The following CARF variants were observed in gnomAD, a reference collection of about 807,000 sequenced individuals.
The protein encoded by CARF is calcium-responsive transcription factor.
A neutral mutation model predicts 82.0 loss-of-function variants in CARF; 57 were observed. The observed-to-expected ratio is 0.70, with a 90% CI of 0.56 to 0.87. The LOEUF is 0.87. Ranked by LOEUF, CARF falls within the 40% of genes least tolerant of loss-of-function variation. CARF has a pLI of 0.00. For missense variants in CARF, 771 were observed against 855.8 expected (o/e 0.90, Z 1.24); for synonymous variants, 268 against 290.1 (o/e 0.92, Z 0.77).
chr2:202,985,719 A>G lies in CARF; in HGVS notation c.*2095A>G, dbSNP rs529885630. 1 of 152,266 alleles carries G rather than the reference A, an allele frequency of 6.6e-6. No individual in the cohort carries two copies. Among genetic ancestry groups the G allele is most frequent in the East Asian group, 1.9e-4 (1 of 5,194 alleles). The allele number at this position is 152,266 out of a possible 1,614,324, so 9.4% of individuals were successfully genotyped here. On this transcript the variant is annotated 3_prime_UTR_variant, in exon 17 of 17. Coordinates refer to ENST00000438828, the MANE Select transcript of CARF (RefSeq NM_024744.17). ...AGTTTTTATGGAATCCTTTTCTTTC[A>G]AGATTCTAAATAATAAATCGTTACG...
In CARF at chr2:202,969,981, A is replaced by G; in HGVS notation, c.1016A>G (p.Asp339Gly). Residue 339 changes from aspartate (D) to glycine (G), a missense_variant, in exon 11 of 17, where the codon GAC becomes GGC. Transcript: ENST00000438828. The part of the protein sequence containing the change: ...EYRVPTDPKI[D>G]KKIIRMEQEK... ...AGAGTTCCTACAGACCCCAAAATTGACAAGAAAATTATCAGAATGGAGCAG... is the reference window on the plus strand; with the variant it reads ...AGAGTTCCTACAGACCCCAAAATTGGCAAGAAAATTATCAGAATGGAGCAG... 6.3e-7 allele frequency: 1 copy of G among 1,575,576 alleles called. No homozygotes were observed. The highest frequency in any genetic ancestry group is 8.6e-7 in the Non-Finnish European group (1 of 1,169,336).
intron 5 of CARF, among the ~76,000 whole-genome samples, chr2:202,943,936 A>G (rs1485891931): frequency 6.6e-6 from 1 of 151,992 alleles, no homozygotes; most frequent in Non-Finnish European, 1.5e-5. Flanking sequence ...ATGAGCCACC[A>G]CGCCCGGCCT....
chr2:202,969,135 C>T (rs944619861), intron 10 of CARF, among the ~76,000 whole-genome samples: 22 of 151,864 alleles, frequency 1.4e-4, no homozygotes, highest in African/African-American at 5.3e-4. Context: ...ACTAAAAATA[C>T]AAAAAAAATT....
intron 14 of CARF, among the ~76,000 whole-genome samples, chr2:202,978,296 G>A (rs886444260): frequency 2.6e-5 from 4 of 152,170 alleles, no homozygotes; most frequent in Non-Finnish European, 5.9e-5. Context: ...TTTCAGTGGC[G>A]TGGATTGGGA....
chr2:202,929,747 T>TTTG (rs978065382), intron 3 of CARF, among the ~76,000 whole-genome samples: 1 of 152,112 alleles, frequency 6.6e-6, no homozygotes, highest in African/African-American at 2.4e-5. Flanking sequence ...TTTCGGGGCT[T>TTTG]TTGTTGTTGT....
chr2:202,931,233 A>G (rs1185828661), intron 3 of CARF, among the ~76,000 whole-genome samples: 1 of 152,068 alleles, frequency 6.6e-6, no homozygotes, highest in Non-Finnish European at 1.5e-5. Context: ...TGGCCTCCCA[A>G]AGTGCTGGGA....
At chr2:202,961,449 T>C in intron 9 of CARF, 23 bp downstream of exon 9, 1 of 1,601,820 alleles carries the variant, frequency 6.2e-7, no homozygotes, top group Non-Finnish European at 8.5e-7. Context: ...AGAATTATTT[T>C]AAAAGGTTCA....
chr2:202,972,697 G>T (rs1435240614), intron 12 of CARF, among the ~76,000 whole-genome samples: 1 of 101,502 alleles, frequency 9.9e-6, no homozygotes, highest in Non-Finnish European at 2.3e-5. Context: ...AAAAAAAAAG[G>T]CAGTGGCAGA....
chr2:202,916,557 G>T (rs185244601), intron 1 of CARF, among the ~76,000 whole-genome samples: 15 of 152,138 alleles, frequency 9.9e-5, no homozygotes, highest in Admixed American at 5.9e-4. Flanking sequence ...TACATCTTAG[G>T]ACATTAACCA....
chr2:202,946,988 G>A (rs986227145), intron 5 of CARF, among the ~76,000 whole-genome samples: 10 of 152,190 alleles, frequency 6.6e-5, no homozygotes, highest in Non-Finnish European at 8.8e-5. Context: ...AGATGCTGGC[G>A]AGGCTGTGGA....
intron 5 of CARF, among the ~76,000 whole-genome samples, chr2:202,948,694 T>A (rs2105830210): frequency 6.6e-6 from 1 of 152,322 alleles, no homozygotes; most frequent in Non-Finnish European, 1.5e-5. Flanking sequence ...AAACATTGAT[T>A]TTGTATACTG....
Position 202,971,757 on chromosome 2 carries a change from G to A in CARF, c.1331+19G>A, listed in dbSNP as rs2059799396. ...AGCTAAGGTACAATAGAAGAGCATT[G>A]TTCTTTTACATTTTTCAGTTTTGTT... On this transcript the variant is annotated intron_variant, in intron 12 of 16. Transcript: ENST00000438828. 1 of 1,571,134 alleles carries A rather than the reference G, an allele frequency of 6.4e-7. No individual in the cohort carries two copies. Among genetic ancestry groups the A allele is most frequent in the Non-Finnish European group, 8.7e-7 (1 of 1,143,472 alleles).
At chr2:202,976,948 A>C (rs964627635) in intron 13 of CARF, among the ~76,000 whole-genome samples, 1 of 151,962 alleles carries the variant, frequency 6.6e-6, no homozygotes. Context: ...GGCCTCAAGC[A>C]CCTCTCCAGC....
chr2:202,940,094 C>T (rs1207626115), intron 3 of CARF, among the ~76,000 whole-genome samples: 1 of 152,048 alleles, frequency 6.6e-6, no homozygotes, highest in African/African-American at 2.4e-5. Context: ...AGTGCAGTGG[C>T]GCCATCTCAG....
intron 2 of CARF, among the ~76,000 whole-genome samples, chr2:202,918,595 G>A (rs908221957): frequency 1.3e-5 from 2 of 152,082 alleles, no homozygotes; most frequent in Admixed American, 1.3e-4. Flanking sequence ...TGGCAGTTAG[G>A]GATAAAAACT....
intron 9 of CARF, among the ~76,000 whole-genome samples, chr2:202,965,532 A>AT (rs1159707696): frequency 1.3e-5 from 2 of 150,860 alleles, no homozygotes; most frequent in East Asian, 1.9e-4. Context: ...GCCTTTGCAC[A>AT]TTTTTCTGAG....
chr2:202,976,912 G>A (rs1032693450), intron 13 of CARF, among the ~76,000 whole-genome samples: 1 of 151,892 alleles, frequency 6.6e-6, no homozygotes, highest in Non-Finnish European at 1.5e-5. Context: ...GTCTCACTTT[G>A]TTGCCCAGGC....
chr2:202,965,241 G>A (rs1287314711), intron 9 of CARF, among the ~76,000 whole-genome samples: 1 of 152,004 alleles, frequency 6.6e-6, no homozygotes, highest in Non-Finnish European at 1.5e-5. Flanking sequence ...CAGGTCTAGA[G>A]CCTTGATTAA....
At chr2:202,918,871 A>G (rs767704047) in intron 2 of CARF, among the ~76,000 whole-genome samples, 18 of 152,228 alleles carry the variant, frequency 1.2e-4, no homozygotes, top group African/African-American at 2.2e-4. Flanking sequence ...TATTTTCTCA[A>G]TGTAACCACA....
Sources: allele counts gnomAD v4.1 joint callset (sites outside exome capture counted in the v4.1 genomes callset), GRCh38; gene constraint gnomAD v4.1.1; transcripts MANE v1.5; gene names NCBI Gene and HGNC (gene_info 2026-07-23, HGNC 2026-07-21).